The following SLC2A9 variants were observed in gnomAD, a reference collection of about 807,000 sequenced individuals.
SLC2A9 encodes the protein solute carrier family 2, facilitated glucose transporter member 9.
SLC2A9 carries 39 observed loss-of-function variants against 50.6 expected under a neutral mutation model. The observed-to-expected ratio is 0.77, with a 90% CI of 0.60 to 1.01. The LOEUF is 1.01. SLC2A9 is among the 50% of genes least tolerant of loss of function. SLC2A9 has a pLI of 0.00. For synonymous variants in SLC2A9, 324 were observed against 276.9 expected, an observed-to-expected ratio of 1.17 and a Z score of -1.69; for missense variants, 686 against 677.6, an observed-to-expected ratio of 1.01 and a Z score of -0.14.
At chr4:9,809,089 G>A (rs149237946) in intron 3 of SLC2A9, among the ~76,000 whole-genome samples, 3 of 152,286 alleles carry the variant, frequency 2.0e-5, no homozygotes, top group African/African-American at 4.8e-5. Flanking sequence ...TCATTTTCTC[G>A]ACATGATGTG....
chr4:9,955,164 A>C (rs1750997837), intron 5 of SLC2A9, among the ~76,000 whole-genome samples: 1 of 152,132 alleles, frequency 6.6e-6, no homozygotes, highest in East Asian at 1.9e-4. Flanking sequence ...AGAATCAGGG[A>C]GAGGAGACGC....
intron 6 of SLC2A9, among the ~76,000 whole-genome samples, chr4:9,934,219 CCT>C (rs924197925): frequency 1.2e-4 from 18 of 152,288 alleles, no homozygotes; most frequent in African/African-American, 4.3e-4. Flanking sequence ...AATCAAATCC[CCT>C]CTTTGTACAA....
At chr4:9,881,607 C>T (rs1560232636) in intron 10 of SLC2A9, among the ~76,000 whole-genome samples, 1 of 152,266 alleles carries the variant, frequency 6.6e-6, no homozygotes, top group East Asian at 1.9e-4. Flanking sequence ...TCTTTCTTTC[C>T]CCCTTTTAAA....
At chr4:9,809,400 G>C (rs920387783) in intron 3 of SLC2A9, among the ~76,000 whole-genome samples, 1 of 152,102 alleles carries the variant, frequency 6.6e-6, no homozygotes, top group Non-Finnish European at 1.5e-5. Context: ...GTTGGGCATG[G>C]GTAGCCCACT....
chr4:10,028,477 G>C (rs946840220), intron 1 of SLC2A9, among the ~76,000 whole-genome samples: 1 of 152,190 alleles, frequency 6.6e-6, no homozygotes, highest in African/African-American at 2.4e-5. Context: ...AGCTGTGTGA[G>C]CTCAGGCGAC....
chr4:9,920,912 AT>A (rs1490833048), intron 6 of SLC2A9, among the ~76,000 whole-genome samples: 1 of 152,200 alleles, frequency 6.6e-6, no homozygotes, highest in African/African-American at 2.4e-5. Flanking sequence ...ATCTTTTGTT[AT>A]CATTCCTGCC....
intron 4 of SLC2A9, among the ~76,000 whole-genome samples, chr4:9,983,860 A>G (rs1156473164): frequency 6.6e-6 from 1 of 152,240 alleles, no homozygotes; most frequent in Non-Finnish European, 1.5e-5. Context: ...AATGAAATTA[A>G]TGGAAGCAAG....
At chr4:9,948,323 G>T (rs1749576806) in intron 5 of SLC2A9, among the ~76,000 whole-genome samples, 1 of 152,186 alleles carries the variant, frequency 6.6e-6, no homozygotes, top group Non-Finnish European at 1.5e-5. Context: ...TACTCTCAGA[G>T]ATTTGGGGTT....
At chr4:9,923,009 C>G (rs1006479934) in intron 6 of SLC2A9, 1 of 152,266 alleles carries the variant, frequency 6.6e-6, no homozygotes, top group Non-Finnish European at 1.5e-5. Flanking sequence ...CTCCTAACAA[C>G]GGCCTGTTGG....
intron 3 of SLC2A9, among the ~76,000 whole-genome samples, chr4:9,801,912 C>T (rs376474986): frequency 6.6e-6 from 1 of 152,322 alleles, no homozygotes; most frequent in East Asian, 1.9e-4. Context: ...CTTAATCTAA[C>T]TCAGGGGATC....
At chr4:9,879,396 GTGTGTT>G (rs1027671380) in intron 10 of SLC2A9, 1 of 985,082 alleles carries the variant, frequency 1.0e-6, no homozygotes, top group African/African-American at 1.7e-5. Flanking sequence ...GTGTGTGTGT[GTGTGTT>G]TGTGCGTGTG....
chr4:9,774,343 G>T (rs977358369), intron 1 of SLC2A9, among the ~76,000 whole-genome samples: 1 of 152,178 alleles, frequency 6.6e-6, no homozygotes, highest in African/African-American at 2.4e-5. Flanking sequence ...AATGTTTAGT[G>T]TTCTAAAAAT....
intron 5 of SLC2A9, among the ~76,000 whole-genome samples, chr4:9,970,175 C>G (rs1399581319): frequency 6.6e-6 from 1 of 152,178 alleles, no homozygotes; most frequent in Non-Finnish European, 1.5e-5. Context: ...GCCTTGGCCC[C>G]ACCCAGCACT....
intron 5 of SLC2A9, among the ~76,000 whole-genome samples, chr4:9,973,483 A>C (rs1754254436): frequency 6.6e-6 from 1 of 152,080 alleles, no homozygotes. Flanking sequence ...GCAAAGATAC[A>C]ATAAAAAGAA....
upstream of SLC2A9, chr4:10,025,839 G>T (rs1763731157): frequency 6.6e-7 from 1 of 1,515,948 alleles, no homozygotes; most frequent in African/African-American, 1.4e-5. Flanking sequence ...CCAGGGGAAA[G>T]GGGTACTACC....
At chr4:9,887,045 C>T (rs530794048) in intron 10 of SLC2A9, among the ~76,000 whole-genome samples, 1 of 152,364 alleles carries the variant, frequency 6.6e-6, no homozygotes, top group East Asian at 1.9e-4. Flanking sequence ...GGGGCCTGGG[C>T]CTGGCAGTCA....
chr4:9,960,916 T>C (rs1043708646), intron 5 of SLC2A9, among the ~76,000 whole-genome samples: 1 of 152,150 alleles, frequency 6.6e-6, no homozygotes, highest in Non-Finnish European at 1.5e-5. Context: ...TAGGGCTTCA[T>C]TTGGTGGACA....
intron 10 of SLC2A9, among the ~76,000 whole-genome samples, chr4:9,869,984 G>T (rs1733149290): frequency 6.6e-6 from 1 of 152,256 alleles, no homozygotes; most frequent in Admixed American, 6.5e-5. Context: ...GTCCTTGTAA[G>T]AGTGTGGAAG....
intron 1 of SLC2A9, among the ~76,000 whole-genome samples, chr4:9,772,456 G>C (rs1224046631): frequency 3.3e-5 from 5 of 152,216 alleles, no homozygotes. Context: ...TGCATGAGCA[G>C]AGTTAGTGCA....
Sources: allele counts gnomAD v4.1 joint callset (sites outside exome capture counted in the v4.1 genomes callset), GRCh38; gene constraint gnomAD v4.1.1; transcripts MANE v1.5; gene names NCBI Gene and HGNC (gene_info 2026-07-23, HGNC 2026-07-21).